GRM8: variants seen among roughly 807,000 people sequenced by gnomAD.
The protein encoded by GRM8 is glutamate metabotropic receptor 8, also known as metabotropic glutamate receptor 8.
GRM8 carries 47 observed loss-of-function variants against 87.2 expected under a neutral mutation model. That is an observed-to-expected ratio of 0.54 (90% CI 0.43 to 0.69). The LOEUF (loss-of-function observed/expected upper bound fraction) is 0.69. GRM8 is among the 30% of genes least tolerant of loss of function. The probability of loss-of-function intolerance (pLI) is 0.00; values close to 1 mark genes in which losing one functional copy is unlikely to be tolerated. For missense variants in GRM8, 1,019 were observed against 1,139.2 expected (o/e 0.89, Z 1.52); for synonymous variants, 396 against 404.5 (o/e 0.98, Z 0.25).
chr7:127,138,853 A>C (rs1183973032), intron 2 of GRM8, among the ~76,000 whole-genome samples: 1 of 152,130 alleles, frequency 6.6e-6, no homozygotes. Context: ...AATCAGAACA[A>C]AGAAAACAGA....
At chr7:126,565,112 T>A (rs1794097152) in intron 8 of GRM8, among the ~76,000 whole-genome samples, 1 of 151,918 alleles carries the variant, frequency 6.6e-6, no homozygotes, top group African/African-American at 2.4e-5. Flanking sequence ...CACTCAGTGG[T>A]GAAAAGTTGA....
chr7:126,558,957 A>ATTAGTGAAGCTACAAT (rs1793421960), intron 8 of GRM8, among the ~76,000 whole-genome samples: 1 of 152,128 alleles, frequency 6.6e-6, no homozygotes, highest in East Asian at 1.9e-4. Context: ...AGGTGGAGCA[A>ATTAGTGAAGCTACAAT]TAGCAGCTAC....
At chr7:126,990,186 C>G (rs1457092159) in intron 3 of GRM8, among the ~76,000 whole-genome samples, 1 of 152,086 alleles carries the variant, frequency 6.6e-6, no homozygotes. Flanking sequence ...TCCCAGGCCC[C>G]AGCCACCTTC....
intron 2 of GRM8, among the ~76,000 whole-genome samples, chr7:127,147,225 A>G (rs1355950394): frequency 1.3e-5 from 2 of 152,046 alleles, no homozygotes; most frequent in African/African-American, 4.8e-5. Flanking sequence ...GAGCTAATCA[A>G]TGTTTCCCAA....
At chr7:126,766,481 A>C (rs947915317) in intron 7 of GRM8, among the ~76,000 whole-genome samples, 1 of 152,172 alleles carries the variant, frequency 6.6e-6, no homozygotes, top group Non-Finnish European at 1.5e-5. Context: ...AATGGGCATT[A>C]CTAAGTAATT....
intron 3 of GRM8, among the ~76,000 whole-genome samples, chr7:127,034,725 C>G (rs1817691856): frequency 6.6e-6 from 1 of 152,128 alleles, no homozygotes; most frequent in African/African-American, 2.4e-5. Context: ...GGGATAAAAG[C>G]AAAATTGTAC....
intron 7 of GRM8, among the ~76,000 whole-genome samples, chr7:126,739,201 A>G (rs969061766): frequency 6.6e-6 from 1 of 152,066 alleles, no homozygotes; most frequent in African/African-American, 2.4e-5. Flanking sequence ...CAATTCTTTC[A>G]CAAGGCATAT....
At chr7:126,800,996 GA>G (rs1358880958) in intron 6 of GRM8, among the ~76,000 whole-genome samples, 1 of 151,776 alleles carries the variant, frequency 6.6e-6, no homozygotes, top group Non-Finnish European at 1.5e-5. Flanking sequence ...AAATAAATAA[GA>G]AAAATGAGAA....
intron 2 of GRM8, among the ~76,000 whole-genome samples, chr7:127,206,492 T>C (rs557517799): frequency 1.3e-4 from 20 of 152,286 alleles, no homozygotes; most frequent in Middle Eastern, 3.4e-3. Flanking sequence ...TTTGATAAAA[T>C]AAGTAACATT....
chr7:126,769,773 T>C, intron 7 of GRM8, 92 bp downstream of exon 7: 4 of 786,398 alleles, frequency 5.1e-6, no homozygotes, highest in Non-Finnish European at 8.7e-6. Context: ...AATCCTGTGT[T>C]TTCCACTCTG....
chr7:126,649,256 G>A (rs1358265513), intron 7 of GRM8, among the ~76,000 whole-genome samples: 3 of 152,088 alleles, frequency 2.0e-5, no homozygotes, highest in Non-Finnish European at 1.5e-5. Flanking sequence ...TGAATCAGTG[G>A]GCTGTGAAAG....
chr7:127,136,657 C>T (rs910114251), intron 2 of GRM8, among the ~76,000 whole-genome samples: 3 of 151,930 alleles, frequency 2.0e-5, no homozygotes, highest in Non-Finnish European at 4.4e-5. Flanking sequence ...AGCATCTGTG[C>T]TGTACTTTGA....
intron 3 of GRM8, among the ~76,000 whole-genome samples, chr7:126,936,968 G>C (rs1209968097): frequency 6.6e-6 from 1 of 152,226 alleles, no homozygotes; most frequent in Admixed American, 6.5e-5. Flanking sequence ...CTACCTAGAA[G>C]TGGGTATTGC....
At chr7:126,906,898 T>C (rs1802730509) in intron 3 of GRM8, among the ~76,000 whole-genome samples, 1 of 152,168 alleles carries the variant, frequency 6.6e-6, no homozygotes, top group Admixed American at 6.5e-5. Context: ...GTTGTGATAA[T>C]TGATTCATTC....
At chr7:127,208,383 G>A (rs552665297) in intron 2 of GRM8, among the ~76,000 whole-genome samples, 1 of 152,118 alleles carries the variant, frequency 6.6e-6, no homozygotes, top group Non-Finnish European at 1.5e-5. Flanking sequence ...CTCCCTCAAA[G>A]TGTCTGTTAA....
chr7:127,230,407 TA>T (rs1797610988), intron 2 of GRM8, among the ~76,000 whole-genome samples: 1 of 152,024 alleles, frequency 6.6e-6, no homozygotes, highest in Non-Finnish European at 1.5e-5. Context: ...TGGCATCAGG[TA>T]AAAGTTCACA....
At chr7:126,963,539 A>T (rs1239384395) in intron 3 of GRM8, among the ~76,000 whole-genome samples, 3 of 152,304 alleles carry the variant, frequency 2.0e-5, no homozygotes, top group African/African-American at 4.8e-5. Flanking sequence ...ACATACAGAG[A>T]GCCAAATCAT....
At chr7:127,033,398 A>G (rs1374422214) in intron 3 of GRM8, among the ~76,000 whole-genome samples, 1 of 152,036 alleles carries the variant, frequency 6.6e-6, no homozygotes, top group Non-Finnish European at 1.5e-5. Flanking sequence ...TAGGACACCT[A>G]TATCTCTAGT....
intron 3 of GRM8, among the ~76,000 whole-genome samples, chr7:126,951,641 A>C (rs115352659): frequency 3.8e-4 from 58 of 152,224 alleles, no homozygotes; most frequent in African/African-American, 1.4e-3. Flanking sequence ...TTAGTCAGTA[A>C]ATATGTTTCT....
Sources: gnomAD v4.1 joint callset for allele counts (sites outside exome capture counted in the v4.1 genomes callset) on GRCh38, gnomAD v4.1.1 for gene constraint, MANE v1.5 for transcripts, NCBI Gene and HGNC (gene_info 2026-07-23, HGNC 2026-07-21) for gene names.